SCD5: variants seen among roughly 807,000 people sequenced by gnomAD.
SCD5 encodes the protein stearoyl-CoA desaturase 5.
A neutral mutation model predicts 30.4 loss-of-function variants in SCD5; 20 were observed. The observed-to-expected ratio is 0.66, with a 90% CI of 0.46 to 0.96. SCD5 has a LOEUF of 0.96. SCD5 is among the 40% of genes least tolerant of loss of function. The pLI, the probability that SCD5 is intolerant of heterozygous loss-of-function variation, is 0.00. For synonymous variants in SCD5, 173 were observed against 176.4 expected (o/e 0.98, Z 0.16); for missense variants, 381 against 443.3 (o/e 0.86, Z 1.26).
At chr4:82,644,181 C>T (rs912408468) in intron 3 of SCD5, among the ~76,000 whole-genome samples, 1 of 152,122 alleles carries the variant, frequency 6.6e-6, no homozygotes, top group Non-Finnish European at 1.5e-5. Context: ...AGGTCATGCC[C>T]CTCCCCTAAT....
chr4:82,708,381 G>T (rs1720011109), intron 1 of SCD5, among the ~76,000 whole-genome samples: 2 of 152,122 alleles, frequency 1.3e-5, no homozygotes, highest in African/African-American at 4.8e-5. Context: ...CATTGGCCTA[G>T]GATGCTCCCA....
chr4:82,700,622 G>T (rs1176356887), intron 2 of SCD5, among the ~76,000 whole-genome samples: 1 of 151,672 alleles, frequency 6.6e-6, no homozygotes, highest in African/African-American at 2.4e-5. Context: ...AAATGAAGTA[G>T]AAATAAGGAC....
chr4:82,757,822 T>G (rs1721265126), intron 1 of SCD5, among the ~76,000 whole-genome samples: 1 of 152,142 alleles, frequency 6.6e-6, no homozygotes, highest in Non-Finnish European at 1.5e-5. Flanking sequence ...TATATAAACT[T>G]CAGGAAAAGA....
intron 1 of SCD5, among the ~76,000 whole-genome samples, chr4:82,779,430 A>G (rs750880776): frequency 4.6e-5 from 7 of 152,208 alleles, no homozygotes; most frequent in Non-Finnish European, 1.0e-4. Context: ...CTTTGATTTT[A>G]GTCCAGTGAA....
At chr4:82,636,937 G>T in intron 3 of SCD5, 114 bp from the exon 4 acceptor site, 2 of 838,156 alleles carry the variant, frequency 2.4e-6, no homozygotes, top group South Asian at 1.8e-5. Context: ...GTGCCAGTCA[G>T]CTCCTTCAAC....
At chr4:82,793,842 C>G (rs2148855072) in intron 1 of SCD5, among the ~76,000 whole-genome samples, 1 of 152,268 alleles carries the variant, frequency 6.6e-6, no homozygotes, top group African/African-American at 2.4e-5. Context: ...ACATTCAGAT[C>G]TGCCTGTCTA....
chr4:82,704,186 T>A (rs991429555), intron 2 of SCD5, among the ~76,000 whole-genome samples: 32 of 152,194 alleles, frequency 2.1e-4, no homozygotes, highest in African/African-American at 7.5e-4. Context: ...CAAGAGCACT[T>A]AGTGAAATAT....
At chr4:82,753,478 C>T (rs746327997) in intron 1 of SCD5, 14 of 482,134 alleles carry the variant, frequency 2.9e-5, no homozygotes, top group Non-Finnish European at 5.2e-5. Flanking sequence ...TGGACTCTGA[C>T]AGTGATAGTG....
At position 82,776,257 on chromosome 4, in the gene SCD5, T is replaced by G. The variant is rs371454638; in HGVS notation, c.232+22049A>C. 3.2e-4 allele frequency among the ~76,000 whole-genome samples: 48 copies of G among 152,318 alleles called. 3 individuals are homozygous for G. The South Asian group carries it at 9.7e-3, about 31-fold the overall frequency. Reference sequence around the variant, plus strand: ...AAGTGCTCTGGTGTAAAGTGCCACATAGTGTTTTCATGGGGAAGAGAGCTT... The same window carrying G: ...AAGTGCTCTGGTGTAAAGTGCCACAGAGTGTTTTCATGGGGAAGAGAGCTT... On this transcript the variant is annotated intron_variant, in intron 1 of 4. Coordinates refer to ENST00000319540, the MANE Select transcript of SCD5 (RefSeq NM_001037582.3).
chr4:82,748,469 A>C (rs1410163063), intron 1 of SCD5, among the ~76,000 whole-genome samples: 4 of 152,230 alleles, frequency 2.6e-5, no homozygotes, highest in African/African-American at 9.6e-5. Flanking sequence ...CCAGGAATTT[A>C]AACGTTAAGT....
In SCD5 at chr4:82,798,492, C is replaced by G; in HGVS notation, c.46G>C (p.Ala16Pro). 1 of 1,611,018 alleles carries G rather than the reference C, an allele frequency of 6.2e-7. No homozygotes were observed. ...TDAGKIPFCD[A>P]KEEIRAGLES... is the part of the protein sequence containing the mutation. ...AGCCCGGCACGGATTTCTTCCTTGG[C>G]GTCGCAGAAAGGGATCTTCCCCGCG... The change falls in exon 1 of 5, where the codon GCC becomes CCC. Residue 16 changes from alanine (A) to proline (P), a missense_variant. By Grantham distance (27) the Ala-to-Pro change is conservative. Transcript: ENST00000319540.
chr4:82,691,384 T>A (rs7655904), intron 2 of SCD5, among the ~76,000 whole-genome samples: 1 of 151,834 alleles, frequency 6.6e-6, no homozygotes, highest in Non-Finnish European at 1.5e-5. Flanking sequence ...GGTGGAAGTG[T>A]GGGAGGGAGA....
chr4:82,686,830 T>A (rs1728718013), intron 2 of SCD5, among the ~76,000 whole-genome samples: 1 of 151,796 alleles, frequency 6.6e-6, no homozygotes, highest in Non-Finnish European at 1.5e-5. Flanking sequence ...AAAAAAAGGC[T>A]ATTGTAGTAT....
intron 1 of SCD5, among the ~76,000 whole-genome samples, chr4:82,728,194 G>A (rs1365948968): frequency 6.6e-6 from 1 of 152,162 alleles, no homozygotes; most frequent in South Asian, 2.1e-4. Context: ...CCTTTGCAAA[G>A]TTATGACAGT....
intron 3 of SCD5, among the ~76,000 whole-genome samples, chr4:82,653,684 A>AGATAGATAGATAGATAGATT (rs1727803728): frequency 7.3e-6 from 1 of 136,224 alleles, no homozygotes; most frequent in Non-Finnish European, 1.6e-5. Context: ...AATGATAGAT[A>AGATAGATAGATAGATAGATT]GATAGATAGA....
intron 1 of SCD5, among the ~76,000 whole-genome samples, chr4:82,795,389 G>A (rs1397371194): frequency 6.6e-6 from 1 of 152,206 alleles, no homozygotes; most frequent in Non-Finnish European, 1.5e-5. Flanking sequence ...TCAGTGGGGG[G>A]AAATTTGTGG....
intron 3 of SCD5, among the ~76,000 whole-genome samples, chr4:82,665,840 A>G (rs1023926879): frequency 2.6e-5 from 4 of 152,170 alleles, no homozygotes; most frequent in African/African-American, 4.8e-5. Context: ...TAGGATATGC[A>G]TACTTTTTTA....
intron 3 of SCD5, among the ~76,000 whole-genome samples, chr4:82,657,706 C>T (rs868795177): frequency 2.0e-5 from 3 of 152,172 alleles, no homozygotes; most frequent in Non-Finnish European, 2.9e-5. Context: ...GCCATTTTCA[C>T]AATATTGATT....
intron 1 of SCD5, among the ~76,000 whole-genome samples, chr4:82,764,736 T>TC (rs1721450978): frequency 6.6e-6 from 1 of 151,752 alleles, no homozygotes; most frequent in Non-Finnish European, 1.5e-5. Flanking sequence ...CTTTCTTTTT[T>TC]TTTTTTTGAG....
Sources: gnomAD v4.1 joint callset for allele counts (sites outside exome capture counted in the v4.1 genomes callset) on GRCh38, gnomAD v4.1.1 for gene constraint, MANE v1.5 for transcripts, NCBI Gene and HGNC (gene_info 2026-07-23, HGNC 2026-07-21) for gene names.